NLGN1: variants seen among roughly 807,000 people sequenced by gnomAD.
NLGN1 encodes the protein neuroligin-1.
NLGN1 carries 12 observed loss-of-function variants against 65.5 expected under a neutral mutation model. The ratio of observed to expected loss-of-function variants is 0.18; its 90% CI spans 0.12 to 0.30. The LOEUF (loss-of-function observed/expected upper bound fraction) is 0.30. Among genes scored for constraint, NLGN1 ranks in the 10% least tolerant of loss-of-function variants. The probability of loss-of-function intolerance (pLI) is 1.00; values close to 1 mark genes in which losing one functional copy is unlikely to be tolerated. For synonymous variants in NLGN1, 350 were observed against 359.5 expected, an observed-to-expected ratio of 0.97 and a Z score of 0.30; for missense variants, 750 against 1,007.1, an observed-to-expected ratio of 0.74 and a Z score of 3.46.
intron 2 of NLGN1, among the ~76,000 whole-genome samples, chr3:173,527,157 A>G (rs529737054): frequency 1.3e-5 from 2 of 152,102 alleles, no homozygotes; most frequent in Non-Finnish European, 2.9e-5. Context: ...CTTTCTCCAC[A>G]GTGGAGAACC....
intron 4 of NLGN1, among the ~76,000 whole-genome samples, chr3:173,859,151 T>C (rs536190777): frequency 6.6e-6 from 1 of 152,198 alleles, no homozygotes; most frequent in South Asian, 2.1e-4. Flanking sequence ...CAAACAAAGA[T>C]TGAAAATAAA....
chr3:173,782,772 T>A (rs1214075014), intron 3 of NLGN1, among the ~76,000 whole-genome samples: 1 of 151,912 alleles, frequency 6.6e-6, no homozygotes, highest in Non-Finnish European at 1.5e-5. Context: ...TATGTCCTCA[T>A]GTCTTATCAC....
At chr3:173,785,486 A>G (rs1384491970) in intron 3 of NLGN1, among the ~76,000 whole-genome samples, 1 of 152,150 alleles carries the variant, frequency 6.6e-6, no homozygotes, top group Non-Finnish European at 1.5e-5. Context: ...ACATTGTACA[A>G]GATAGTAGGG....
chr3:173,893,914 G>A (rs1035452790), intron 4 of NLGN1, among the ~76,000 whole-genome samples: 5 of 152,114 alleles, frequency 3.3e-5, no homozygotes, highest in Non-Finnish European at 7.4e-5. Flanking sequence ...TTGGCCTCGT[G>A]CTACTCACAT....
intron 2 of NLGN1, among the ~76,000 whole-genome samples, chr3:173,601,808 A>G (rs1296303976): frequency 6.6e-6 from 1 of 152,014 alleles, no homozygotes; most frequent in African/African-American, 2.4e-5. Flanking sequence ...TATGTATAAA[A>G]ATATATAGCA....
intron 4 of NLGN1, among the ~76,000 whole-genome samples, chr3:173,936,749 G>A (rs997410504): frequency 2.6e-5 from 4 of 152,028 alleles, no homozygotes; most frequent in African/African-American, 9.7e-5. Flanking sequence ...GCCGGAAACG[G>A]CAGACTTCCT....
chr3:173,718,971 A>G (rs1770346510), intron 3 of NLGN1, among the ~76,000 whole-genome samples: 1 of 152,176 alleles, frequency 6.6e-6, no homozygotes, highest in African/African-American at 2.4e-5. Context: ...AACTAACATA[A>G]TGAAATCCAC....
intron 4 of NLGN1, among the ~76,000 whole-genome samples, chr3:174,255,565 T>C (rs1460792377): frequency 6.6e-6 from 1 of 151,830 alleles, no homozygotes; most frequent in East Asian, 1.9e-4. Flanking sequence ...AATATTTTGA[T>C]CAATTTTGAG....
intron 2 of NLGN1, among the ~76,000 whole-genome samples, chr3:173,547,030 A>G (rs1243736024): frequency 6.6e-6 from 1 of 152,160 alleles, no homozygotes; most frequent in Non-Finnish European, 1.5e-5. Context: ...TTTTCAGAAC[A>G]TTCCCATGTT....
intron 2 of NLGN1, among the ~76,000 whole-genome samples, chr3:173,570,891 A>G (rs1352332924): frequency 6.6e-6 from 1 of 152,046 alleles, no homozygotes; most frequent in Non-Finnish European, 1.5e-5. Flanking sequence ...TTTAGTAGAG[A>G]TGGGGTTTCA....
intron 4 of NLGN1, among the ~76,000 whole-genome samples, chr3:174,067,155 G>A (rs977968939): frequency 1.3e-5 from 2 of 152,080 alleles, no homozygotes; most frequent in Non-Finnish European, 2.9e-5. Flanking sequence ...ATGATACTAT[G>A]TTGAAAATTG....
chr3:174,099,841 T>C (rs1435701554), intron 4 of NLGN1, among the ~76,000 whole-genome samples: 1 of 152,128 alleles, frequency 6.6e-6, no homozygotes, highest in East Asian at 1.9e-4. Context: ...TGAAAATACC[T>C]GTAGAGTTCA....
chr3:173,929,428 G>C (rs1743630133), intron 4 of NLGN1, among the ~76,000 whole-genome samples: 1 of 151,986 alleles, frequency 6.6e-6, no homozygotes, highest in Non-Finnish European at 1.5e-5. Flanking sequence ...GATATTGCAG[G>C]TTGTCAGATT....
intron 2 of NLGN1, among the ~76,000 whole-genome samples, chr3:173,545,325 A>C (rs1331032165): frequency 1.3e-5 from 2 of 152,048 alleles, no homozygotes; most frequent in Admixed American, 6.6e-5. Context: ...CCACCCACCT[A>C]GACCTCCCAA....
intron 4 of NLGN1, among the ~76,000 whole-genome samples, chr3:173,889,779 T>A (rs1264269486): frequency 6.8e-6 from 1 of 146,968 alleles, no homozygotes; most frequent in Non-Finnish European, 1.5e-5. Flanking sequence ...TTAATTCAGA[T>A]GCATCCAAAA....
At chr3:173,463,518 A>G (rs537578674) in intron 2 of NLGN1, among the ~76,000 whole-genome samples, 5 of 152,274 alleles carry the variant, frequency 3.3e-5, no homozygotes, top group African/African-American at 1.2e-4. Context: ...GTCTCTGCCA[A>G]TTATCATTCA....
intron 3 of NLGN1, among the ~76,000 whole-genome samples, chr3:173,725,213 A>T (rs928789533): frequency 6.6e-6 from 1 of 152,156 alleles, no homozygotes; most frequent in African/African-American, 2.4e-5. Context: ...TTATATCACC[A>T]TATCACTAGG....
In NLGN1 at chr3:173,781,144, C is replaced by CAAAAAAA. The variant is rs769716428; in HGVS notation, c.494-26530_494-26524dup. The stretch of plus-strand genomic sequence containing the variant: ...TGGGCTACAGAGCGAGACTCCGTCT[C>CAAAAAAA]AAAAAAAAAAAAGTAAATATTGAAG... On this transcript the variant is annotated intron_variant, in intron 3 of 6. Coordinates refer to ENST00000457714, the Ensembl canonical transcript of NLGN1. 8.7e-5 allele frequency among the ~76,000 whole-genome samples: 7 copies of CAAAAAAA among 80,398 alleles called. 1 individual carries two copies. The highest frequency in any genetic ancestry group is 3.6e-4 in the South Asian group (1 of 2,744). 52.7% of individuals were successfully genotyped at this position (80,398 alleles called of 152,430 possible). A position where few individuals can be genotyped will look rare whatever the true frequency, so the allele number is the denominator to read the frequency against.
chr3:173,849,790 A>G (rs1726536467), intron 4 of NLGN1, among the ~76,000 whole-genome samples: 1 of 152,106 alleles, frequency 6.6e-6, no homozygotes, highest in African/African-American at 2.4e-5. Context: ...AGATGACTTC[A>G]TGTTCCTCCT....
Sources: gnomAD v4.1 joint callset for allele counts (sites outside exome capture counted in the v4.1 genomes callset) on GRCh38, gnomAD v4.1.1 for gene constraint, MANE v1.5 for transcripts, NCBI Gene and HGNC (gene_info 2026-07-23, HGNC 2026-07-21) for gene names.